Variants in ITGA11 observed in about 807,000 individuals in gnomAD.
ITGA11 encodes the protein integrin alpha-11.
A neutral mutation model predicts 141.9 loss-of-function variants in ITGA11; 97 were observed. The ratio of observed to expected loss-of-function variants is 0.68; its 90% confidence interval spans 0.58 to 0.81. ITGA11 has a LOEUF of 0.81. Among genes scored for constraint, ITGA11 ranks in the 30% least tolerant of loss-of-function variants. The pLI, the probability that ITGA11 is intolerant of heterozygous loss-of-function variation, is 0.00. For synonymous variants in ITGA11, 658 were observed against 624.6 expected (o/e 1.05, Z -0.80); for missense variants, 1,387 against 1,559.2 (o/e 0.89, Z 1.86).
chr15:68,400,859 AAATAT>A (rs372948397), intron 2 of ITGA11, among the ~76,000 whole-genome samples: 3 of 21,090 alleles, frequency 1.4e-4, no homozygotes, highest in Admixed American at 9.5e-4. Flanking sequence ...ATTATATAAT[AAATAT>A]AATATTATAT....
intron 2 of ITGA11, among the ~76,000 whole-genome samples, chr15:68,383,843 C>A (rs1248776546): frequency 6.6e-6 from 1 of 152,022 alleles, no homozygotes; most frequent in Non-Finnish European, 1.5e-5. Flanking sequence ...GTGTTGGCTG[C>A]AGAAATGGAA....
chr15:68,407,968 T>A (rs1222247651), intron 1 of ITGA11, among the ~76,000 whole-genome samples: 1 of 152,230 alleles, frequency 6.6e-6, no homozygotes, highest in East Asian at 1.9e-4. Context: ...GCGTCTGCTG[T>A]GCTGTTCCAT....
chr15:68,399,177 C>A lies in ITGA11; in HGVS notation c.164+3741G>T, dbSNP rs144787305. Among the ~76,000 whole-genome samples the A allele has an allele frequency of 9.7e-3, 1,468 of 152,124 alleles. 23 individuals carry two copies. Among genetic ancestry groups the A allele is most frequent in the African/African-American group, 0.033 (1,371 of 41,496 alleles). ...AGAGGGCAAAGGACATGAACAGACACTTCTTAAAAGAAGACATACAAGCCG... is the reference window on the plus strand; with the variant it reads ...AGAGGGCAAAGGACATGAACAGACAATTCTTAAAAGAAGACATACAAGCCG... On this transcript the variant is annotated intron_variant, in intron 2 of 29. Transcript: ENST00000315757.
intron 22 of ITGA11, among the ~76,000 whole-genome samples, 187 bp downstream of exon 22, chr15:68,315,463 AG>A (rs909419704): frequency 8.5e-5 from 13 of 152,248 alleles, no homozygotes; most frequent in African/African-American, 2.9e-4. Context: ...AGGGGGCAGC[AG>A]GTTGGCCCAC....
Position 68,300,269 on chromosome 15 carries a change from CT to C in ITGA11, c.*2789del, listed in dbSNP as rs1892997689. The stretch of plus-strand genomic sequence containing the variant: ...AGCGCAGCGCTGCAGAGATCATCTG[CT>C]TTATGAGGCACAGTGGGCTTGGGCA... On this transcript the variant is annotated 3_prime_UTR_variant, in exon 30 of 30. Transcript: ENST00000315757. The C allele has an allele frequency of 6.6e-6, 1 of 152,216 alleles. No homozygotes were observed. Among genetic ancestry groups the C allele is most frequent in the African/African-American group, 2.4e-5 (1 of 41,452 alleles). 9.4% of individuals were successfully genotyped at this position (152,216 alleles called of 1,614,324 possible). A position where few individuals can be genotyped will look rare whatever the true frequency, so the allele number is the denominator to read the frequency against.
At position 68,363,722 on chromosome 15, in the gene ITGA11, T is replaced by A. The variant is rs78821249; in HGVS notation, c.357+985A>T. On this transcript the variant is annotated intron_variant, in intron 4 of 29. Coordinates refer to ENST00000315757, the MANE Select transcript of ITGA11 (RefSeq NM_001004439.2). ...CTCCTGCAACTGTTTCTAGGAACCA[T>A]CAGTCTCAGAAGGATCCTGTTTGAA... 4.4e-3 allele frequency among the ~76,000 whole-genome samples: 667 copies of A among 152,270 alleles called. 35 individuals are homozygous for A. In the East Asian group the frequency reaches 0.11, roughly 25 times the overall value.
At position 68,395,026 on chromosome 15, in the gene ITGA11, A is replaced by C. The variant is rs182436541; in HGVS notation, c.164+7892T>G. Among the ~76,000 whole-genome samples the C allele has an allele frequency of 3.5e-3, 526 of 152,284 alleles. 16 individuals carry two copies. Among genetic ancestry groups the C allele is most frequent in the Admixed American group, 0.03 (454 of 15,284 alleles). On this transcript the variant is annotated intron_variant, in intron 2 of 29. Coordinates refer to ENST00000315757, the MANE Select transcript of ITGA11 (RefSeq NM_001004439.2). ...AACTGAGCCTCCACTGGTGATATCCAGGCAAACAGGGTCTGGAGTGGACCT... is the reference window on the plus strand; with the variant it reads ...AACTGAGCCTCCACTGGTGATATCCCGGCAAACAGGGTCTGGAGTGGACCT...
In ITGA11 at chr15:68,303,790, C is replaced by A. The variant is rs147895523; in HGVS notation, c.3477G>T (p.Leu1159=). The change falls in exon 29 of 30, where the codon CTG becomes CTT. Residue 1159 remains leucine (L), a synonymous_variant. Coordinates refer to ENST00000315757, the MANE Select transcript of ITGA11 (RefSeq NM_001004439.2). This position sits in a 1 kb window ranked among gnomAD's most constrained non-coding sequence, Gnocchi z 5.3. The part of the protein sequence containing the change: ...TLGGLLLLAL[L]VLALWKLGFF... ...CCCTCACCTTCCACAGTGCCAGGAC[C>A]AGCAGGGCCAGCAGTAGGAGGCCCC... The A allele has an allele frequency of 8.1e-6, 13 of 1,611,558 alleles. No homozygotes were observed. In the Admixed American group the frequency reaches 1.2e-4, roughly 14 times the overall value.
chr15:68,337,067 G>A (rs755009508), intron 11 of ITGA11, among the ~76,000 whole-genome samples: 2 of 152,218 alleles, frequency 1.3e-5, no homozygotes, highest in African/African-American at 4.8e-5. Context: ...GCCTTGTGGT[G>A]TAGGGCAAAG....
intron 20 of ITGA11, 38 bp downstream of exon 20, chr15:68,320,147 C>T (rs768929325): frequency 6.3e-7 from 1 of 1,587,720 alleles, no homozygotes; most frequent in Admixed American, 1.7e-5. Context: ...TCCTCTGTGC[C>T]AGGCAGAGGC....
At chr15:68,345,585 T>A (rs1441021031) in intron 10 of ITGA11, among the ~76,000 whole-genome samples, 1 of 152,206 alleles carries the variant, frequency 6.6e-6, no homozygotes, top group Non-Finnish European at 1.5e-5. Flanking sequence ...CTGAGAACAT[T>A]CTACTAGGGA....
rs548430144 is a variant in ITGA11, at chr15:68,396,261, A to G, written c.164+6657T>C. Among the ~76,000 whole-genome samples the G allele has an allele frequency of 1.2e-3, 176 of 152,004 alleles. 2 individuals are homozygous for G. Among genetic ancestry groups the G allele is most frequent in the African/African-American group, 3.8e-3 (156 of 41,492 alleles). On this transcript the variant is annotated intron_variant, in intron 2 of 29. Transcript: ENST00000315757. ...AAGAAAATATCAATCCAATCAATCA[A>G]TCAATCAATCAATCAATCAATGTAA...
Position 68,317,354 on chromosome 15 carries a change from C to CT in ITGA11, c.2625dup (p.Asp876ArgfsTer3). 6.2e-7 allele frequency: 1 copy of CT among 1,611,938 alleles called. No individual in the cohort carries two copies. The highest frequency in any genetic ancestry group is 8.5e-7 in the Non-Finnish European group (1 of 1,178,008). On this transcript the variant is annotated frameshift_variant, in exon 21 of 30. Transcript: ENST00000315757. LOFTEE classifies it high-confidence loss of function. Reference sequence around the variant, plus strand: ...TCGTTCACACACTCAATGCTACCGTCTGAGTCCTCCTGGAGGTGGGTGGCA... The same window carrying CT: ...TCGTTCACACACTCAATGCTACCGTCTTGAGTCCTCCTGGAGGTGGGTGGCA...
chr15:68,380,525 A>G (rs946055385), intron 2 of ITGA11, among the ~76,000 whole-genome samples: 1 of 152,176 alleles, frequency 6.6e-6, no homozygotes, highest in Non-Finnish European at 1.5e-5. Flanking sequence ...TAGTGTGGAG[A>G]ACATGCCGCA....
chr15:68,366,234 G>A (rs1272386787), intron 3 of ITGA11, among the ~76,000 whole-genome samples: 3 of 152,136 alleles, frequency 2.0e-5, no homozygotes, highest in Non-Finnish European at 4.4e-5. Context: ...AAAGCACCGC[G>A]CACACCTGCC....
In ITGA11 at chr15:68,361,659, T is replaced by C. The variant is rs752716535; in HGVS notation, c.403A>G (p.Thr135Ala). ...WSHECGSSYY[T>A]TGMCSRVNSN... ...TTGACTCTTGAACACATCCCTGTGG[T>C]GTAGTAGGAGCTCCCACACTCATGA... The change falls in exon 5 of 30, where the codon ACC (threonine) becomes GCC (alanine). Residue 135 changes from threonine to alanine, a missense_variant. Transcript: ENST00000315757. The C allele has an allele frequency of 6.2e-7, 1 of 1,610,426 alleles. No individual in the cohort carries two copies. Among genetic ancestry groups the C allele is most frequent in the Non-Finnish European group, 8.5e-7 (1 of 1,178,350 alleles).
At chr15:68,400,602 T>C (rs1457780143) in intron 2 of ITGA11, among the ~76,000 whole-genome samples, 1 of 100,932 alleles carries the variant, frequency 9.9e-6, no homozygotes, top group East Asian at 2.3e-4. Flanking sequence ...TATTATATAT[T>C]ATAATATATA....
rs1002391390 is a variant in ITGA11, at chr15:68,338,723, C to T, written c.1276+777G>A. On this transcript the variant is annotated intron_variant, in intron 11 of 29. Transcript: ENST00000315757. ...AGAAAGATGGACGCATGGACAGATT[C>T]GCTGTCCACTCTGGGTGGCCCCAAG... Among the ~76,000 whole-genome samples, 9 of 152,212 alleles carry T rather than the reference C, an allele frequency of 5.9e-5. No individual in the cohort carries two copies. The East Asian group carries it at 9.6e-4, about 16-fold the overall frequency.
In ITGA11 at chr15:68,305,876, G is replaced by T. The variant is rs1893175902; in HGVS notation, c.3381+1472C>A. 6.6e-6 allele frequency among the ~76,000 whole-genome samples: 1 copy of T among 152,142 alleles called. No individual in the cohort carries two copies. The highest frequency in any genetic ancestry group is 2.4e-5 in the African/African-American group (1 of 41,424). Reference sequence around the variant, plus strand: ...CATACAGGGGCTTAATTTTGGGGTTGCTGGATTTCTAAAAGAGAAATGAGG... The same window carrying T: ...CATACAGGGGCTTAATTTTGGGGTTTCTGGATTTCTAAAAGAGAAATGAGG... On this transcript the variant is annotated intron_variant, in intron 28 of 29. Transcript: ENST00000315757. The surrounding 1 kb of genome is among the most constrained non-coding windows in gnomAD (Gnocchi z 4.6).
Sources: allele counts gnomAD v4.1 joint callset (sites outside exome capture counted in the v4.1 genomes callset), GRCh38; gene constraint gnomAD v4.1.1; non-coding constraint Gnocchi (gnomAD v3.1); transcripts MANE v1.5; gene names NCBI Gene and HGNC (gene_info 2026-07-23, HGNC 2026-07-21).